The following MORC1 variants were observed in gnomAD, a reference collection of about 807,000 sequenced individuals.
The protein encoded by MORC1 is MORC family CW-type zinc finger 1, also known as MORC family CW-type zinc finger protein 1.
A neutral mutation model predicts 134.9 loss-of-function variants in MORC1; 59 were observed. The observed-to-expected ratio is 0.44, with a 90% CI of 0.35 to 0.54. The LOEUF is 0.54. Ranked by LOEUF, MORC1 falls within the 20% of genes least tolerant of loss-of-function variation. MORC1 has a pLI of 0.00. For synonymous variants in MORC1, 395 were observed against 391.7 expected (o/e 1.01, Z -0.10); for missense variants, 947 against 1,134.5 (o/e 0.83, Z 2.37).
chr3:108,988,843 G>A (rs1221058684), intron 21 of MORC1, among the ~76,000 whole-genome samples: 1 of 152,090 alleles, frequency 6.6e-6, no homozygotes, highest in Admixed American at 6.6e-5. Flanking sequence ...AATTATGTTT[G>A]TATTCTATTG....
At chr3:109,004,036 C>A (rs1385343572) in intron 20 of MORC1, among the ~76,000 whole-genome samples, 1 of 152,128 alleles carries the variant, frequency 6.6e-6, no homozygotes, top group Non-Finnish European at 1.5e-5. Flanking sequence ...CCACTGCACT[C>A]CAGCCTGGGC....
At chr3:109,112,607 C>T (rs551148449) in intron 2 of MORC1, among the ~76,000 whole-genome samples, 22 of 152,308 alleles carry the variant, frequency 1.4e-4, no homozygotes, top group African/African-American at 4.8e-4. Context: ...GGGCTGGTCC[C>T]AAGAGAGCAC....
At chr3:109,081,229 C>T (rs949067320) in intron 8 of MORC1, among the ~76,000 whole-genome samples, 5 of 151,918 alleles carry the variant, frequency 3.3e-5, no homozygotes, top group African/African-American at 1.2e-4. Context: ...TTTTATAAGA[C>T]AAATAACAAT....
intron 9 of MORC1, among the ~76,000 whole-genome samples, chr3:109,064,431 A>G (rs1182746664): frequency 6.6e-6 from 1 of 152,198 alleles, no homozygotes; most frequent in Non-Finnish European, 1.5e-5. Context: ...CTGCAGAAGT[A>G]TAGAGCATGA....
chr3:108,984,540 G>A (rs1947841422), intron 23 of MORC1, among the ~76,000 whole-genome samples, 176 bp downstream of exon 23: 1 of 122,510 alleles, frequency 8.2e-6, no homozygotes, highest in African/African-American at 3.3e-5. Flanking sequence ...GAAATGAAAA[G>A]GTTTGGGGGT....
chr3:109,041,289 C>T lies in MORC1; in HGVS notation c.1331-5821G>A, dbSNP rs911791843. On this transcript the variant is annotated intron_variant, in intron 14 of 27. Coordinates refer to ENST00000232603, the MANE Select transcript of MORC1 (RefSeq NM_014429.4). ...TCGCGCCACTGCACTCCAGCCTGGG[C>T]GACAGACAAAGACTCCATCTCAAAA... Among the ~76,000 whole-genome samples, 7 of 149,884 alleles carry T rather than the reference C, an allele frequency of 4.7e-5. No individual in the cohort carries two copies. In the East Asian group the frequency reaches 9.9e-4, roughly 21 times the overall value.
intron 24 of MORC1, among the ~76,000 whole-genome samples, chr3:108,973,603 T>G (rs1453992176): frequency 2.7e-5 from 4 of 149,548 alleles, no homozygotes; most frequent in Non-Finnish European, 4.5e-5. Context: ...TGGTTTTTTT[T>G]TTTTTTTTTC....
At chr3:109,054,676 CAG>C (rs1949914123) in intron 14 of MORC1, 50 bp downstream of exon 14, 1 of 1,387,152 alleles carries the variant, frequency 7.2e-7, no homozygotes, top group African/African-American at 1.5e-5. Context: ...AAAGAAATCA[CAG>C]AAAGTAATCC....
intron 23 of MORC1, among the ~76,000 whole-genome samples, chr3:108,982,645 G>A (rs181461489): frequency 3.3e-5 from 5 of 150,570 alleles, no homozygotes; most frequent in Admixed American, 6.6e-5. Context: ...CGAGTTAATG[G>A]GTGCAGCAAA....
At chr3:109,032,666 T>C (rs978063659) in intron 16 of MORC1, 54 bp downstream of exon 16, 78 of 1,259,596 alleles carry the variant, frequency 6.2e-5, no homozygotes, top group Non-Finnish European at 7.7e-5. Context: ...TTCATACATA[T>C]GAACTTTAGA....
At chr3:109,081,369 C>T (rs538809293) in intron 8 of MORC1, among the ~76,000 whole-genome samples, 8 of 152,038 alleles carry the variant, frequency 5.3e-5, no homozygotes, top group African/African-American at 1.9e-4. Flanking sequence ...ACCAGCAATA[C>T]CACAGAACTC....
chr3:109,103,816 A>G lies in MORC1; in HGVS notation c.223+33T>C, dbSNP rs754951692. 5 of 1,560,562 alleles carry G rather than the reference A, an allele frequency of 3.2e-6. No individual in the cohort carries two copies. The Admixed American group carries it at 5.0e-5, about 16-fold the overall frequency. ...GTAGGTTTTCAGACTGTTTCCTTTA[A>G]CAGCCAGTTAGGTATCTAGATAATT... On this transcript the variant is annotated intron_variant, in intron 4 of 27. Coordinates refer to ENST00000232603, the MANE Select transcript of MORC1 (RefSeq NM_014429.4).
chr3:108,959,662 G>A (rs1006215854), intron 27 of MORC1, among the ~76,000 whole-genome samples: 3 of 152,090 alleles, frequency 2.0e-5, no homozygotes, highest in Non-Finnish European at 4.4e-5. Context: ...CTTGATCCAT[G>A]GAACAGTTAG....
At chr3:108,995,013 GT>G (rs1200645553) in intron 21 of MORC1, among the ~76,000 whole-genome samples, 1 of 152,060 alleles carries the variant, frequency 6.6e-6, no homozygotes, top group Non-Finnish European at 1.5e-5. Flanking sequence ...TACTTTTATC[GT>G]TTTTATGAAG....
In MORC1 at chr3:109,062,066, T is replaced by C. The variant is rs780136281; in HGVS notation, c.896-8A>G. 28 of 1,613,720 alleles carry C rather than the reference T, an allele frequency of 1.7e-5. No homozygotes were observed. Among genetic ancestry groups the C allele is most frequent in the Non-Finnish European group, 2.4e-5 (28 of 1,179,690 alleles). The stretch of plus-strand genomic sequence containing the variant: ...CTTTCAATATGGATTCAGCTGGAAG[T>C]AGAAGCCAAATAGTTATAACACAGC... On this transcript the variant is annotated splice_polypyrimidine_tract_variant and splice_region_variant and intron_variant, in intron 10 of 27. Transcript: ENST00000232603.
chr3:109,013,915 G>A (rs1217486033), intron 17 of MORC1, among the ~76,000 whole-genome samples: 2 of 152,056 alleles, frequency 1.3e-5, no homozygotes, highest in Non-Finnish European at 2.9e-5. Context: ...TCCCTCCCTT[G>A]CTTTCTGCCA....
chr3:109,037,842 T>C (rs986185715), intron 14 of MORC1, among the ~76,000 whole-genome samples: 3 of 152,244 alleles, frequency 2.0e-5, no homozygotes, highest in African/African-American at 7.2e-5. Flanking sequence ...TAGTCTATCA[T>C]TGATGGACAT....
chr3:109,097,709 G>A (rs1162368082), intron 6 of MORC1, among the ~76,000 whole-genome samples: 1 of 152,132 alleles, frequency 6.6e-6, no homozygotes, highest in African/African-American at 2.4e-5. Context: ...AGAAAACCAA[G>A]CAAATATTCA....
rs146265277 is a variant in MORC1 at position 109,035,448 on chromosome 3, A to C, written c.1351T>G (p.Phe451Val). 3.3e-5 allele frequency: 49 copies of C among 1,494,520 alleles called. No individual in the cohort carries two copies. In the African/African-American group the frequency reaches 6.4e-4, roughly 19 times the overall value. The allele number at this position is 1,494,520 out of a possible 1,614,324, so 92.6% of individuals were successfully genotyped here. ...TGINNRNLTL[F>V]CNEFGYQNDI... ...TTCTGGTATCCAAATTCATTGCAAA[A>C]CAATGTTAAATTTCTATTATCTTTT... The change falls in exon 15 of 28, where the codon TTT becomes GTT. Residue 451 changes from phenylalanine (F) to valine (V), a missense_variant. Physicochemically the swap from Phe to Val is conservative, Grantham distance 50. This residue lies in a region of MORC1 where 722 missense variants were observed against 817.0 expected (regional missense o/e 0.88). Coordinates refer to ENST00000232603, the MANE Select transcript of MORC1 (RefSeq NM_014429.4).
Sources: allele counts gnomAD v4.1 joint callset (sites outside exome capture counted in the v4.1 genomes callset), GRCh38; gene constraint gnomAD v4.1.1; regional missense constraint gnomAD v4.1.1; transcripts MANE v1.5; gene names NCBI Gene and HGNC (gene_info 2026-07-23, HGNC 2026-07-21).